CDCA2: variants seen among roughly 807,000 people sequenced by gnomAD.
CDCA2 encodes cell division cycle associated 2.
A neutral mutation model predicts 67.0 loss-of-function variants in CDCA2; 44 were observed. The observed-to-expected ratio is 0.66, with a 90% confidence interval of 0.52 to 0.84. The LOEUF (loss-of-function observed/expected upper bound fraction) is 0.84, where lower values mean the gene tolerates loss of function less well. Ranked by LOEUF, CDCA2 falls within the 40% of genes least tolerant of loss-of-function variation. The pLI, the probability that CDCA2 is intolerant of heterozygous loss-of-function variation, is 0.00. For missense variants in CDCA2, 1,253 were observed against 1,203.2 expected (o/e 1.04, Z -0.61); for synonymous variants, 447 against 418.7 (o/e 1.07, Z -0.82).
intron 13 of CDCA2, among the ~76,000 whole-genome samples, chr8:25,494,857 A>G (rs2117537384): frequency 6.6e-6 from 1 of 151,984 alleles, no homozygotes; most frequent in African/African-American, 2.4e-5. Context: ...TCGGACCCAC[A>G]TAAGGACACC....
chr8:25,487,126 C>CT (rs1266920684), intron 11 of CDCA2, 120 bp from the exon 12 acceptor site: 85 of 628,258 alleles, frequency 1.4e-4, no homozygotes, highest in Middle Eastern at 4.4e-4. Flanking sequence ...CTTGGCTCCT[C>CT]TTTTTTTTGT....
chr8:25,503,127 C>A (rs991242283), intron 13 of CDCA2, among the ~76,000 whole-genome samples: 6 of 151,786 alleles, frequency 4.0e-5, no homozygotes, highest in Admixed American at 6.6e-5. Flanking sequence ...ACCAAAAATA[C>A]AAAATAAAAA....
intron 7 of CDCA2, among the ~76,000 whole-genome samples, chr8:25,471,492 G>A (rs969284729): frequency 3.9e-5 from 6 of 152,052 alleles, no homozygotes; most frequent in Admixed American, 3.9e-4. Context: ...CTCCCAAGTA[G>A]CTAGAATTAC....
chr8:25,505,476 C>A (rs913068854), intron 14 of CDCA2, among the ~76,000 whole-genome samples: 3 of 152,206 alleles, frequency 2.0e-5, no homozygotes, highest in Admixed American at 6.5e-5. Flanking sequence ...GCTGGGATTA[C>A]AGGCGTGAGC....
At chr8:25,497,462 CAAG>C (rs1563281681) in intron 13 of CDCA2, among the ~76,000 whole-genome samples, 1 of 129,200 alleles carries the variant, frequency 7.7e-6, no homozygotes, top group Non-Finnish European at 1.6e-5. Context: ...CACAGAGAGA[CAAG>C]AAGATCTTAC....
At chr8:25,460,635 C>A in intron 3 of CDCA2, 81 bp downstream of exon 3, 1 of 1,415,710 alleles carries the variant, frequency 7.1e-7, no homozygotes, top group Non-Finnish European at 9.6e-7. Context: ...TTTGTTTATA[C>A]GTACTGTCAT....
intron 4 of CDCA2, 119 bp from the exon 5 acceptor site, chr8:25,466,056 G>T (rs765328967): frequency 1.2e-6 from 1 of 837,094 alleles, no homozygotes; most frequent in Non-Finnish European, 1.8e-6. Context: ...ACTCCTTACC[G>T]CTGATCTTCA....
intron 14 of CDCA2, 130 bp from the exon 15 acceptor site, chr8:25,506,380 G>A (rs1804676853): frequency 1.3e-6 from 1 of 759,176 alleles, no homozygotes; most frequent in Non-Finnish European, 2.0e-6. Flanking sequence ...CAAGCACAGT[G>A]TAACATTTGT....
chr8:25,494,271 T>G (rs1026954607), intron 13 of CDCA2, among the ~76,000 whole-genome samples: 6 of 151,844 alleles, frequency 4.0e-5, no homozygotes, highest in Non-Finnish European at 4.4e-5. Flanking sequence ...ACCAGCCTGG[T>G]CAACATAGCA....
chr8:25,479,135 G>A (rs1031042311), intron 7 of CDCA2, among the ~76,000 whole-genome samples: 1 of 151,982 alleles, frequency 6.6e-6, no homozygotes, highest in African/African-American at 2.4e-5. Flanking sequence ...TGTTTAGTCC[G>A]TGTGGTTTTA....
At chr8:25,470,029 T>C in intron 7 of CDCA2, 49 bp downstream of exon 7, 1 of 1,290,946 alleles carries the variant, frequency 7.7e-7, no homozygotes, top group Non-Finnish European at 1.1e-6. Flanking sequence ...TTCATAGACA[T>C]TTATGATTAG....
intron 5 of CDCA2, among the ~76,000 whole-genome samples, chr8:25,466,582 C>T (rs2117483093): frequency 6.6e-6 from 1 of 152,172 alleles, no homozygotes; most frequent in South Asian, 2.1e-4. Context: ...TTTAAAATGC[C>T]AGAGATAATT....
Position 25,507,442 on chromosome 8 carries a change from A to G in CDCA2, c.2776A>G (p.Thr926Ala), listed in dbSNP as rs758733785. 1.2e-6 allele frequency: 2 copies of G among 1,614,004 alleles called. No homozygotes were observed. Among genetic ancestry groups the G allele is most frequent in the African/African-American group, 1.3e-5 (1 of 74,914 alleles). ...SQKAKRRTICTFDSSGFESMS... is the reference protein window; with the variant it reads ...SQKAKRRTICAFDSSGFESMS... ...AAAAGCCAAAAGAAGAACAATATGT[A>G]CATTTGACAGCAGTGGATTTGAAAG... is the stretch of plus-strand genomic sequence containing the variant. The change falls in exon 15 of 15, where the codon ACA (threonine) becomes GCA (alanine). Residue 926 changes from threonine to alanine, a missense_variant. Transcript: ENST00000330560.
chr8:25,462,233 C>T lies in CDCA2; in HGVS notation c.387+25C>T, dbSNP rs116562172. The T allele has an allele frequency of 1.1e-3, 1,730 of 1,608,850 alleles. 22 individuals carry two copies. In the African/African-American group the frequency reaches 0.02, roughly 19 times the overall value. ...GGTATGATTTTCTTCTAAGTTCTGT[C>T]GTGAATTCCGTTAATGAAGCTTTTG... is the stretch of plus-strand genomic sequence containing the variant. On this transcript the variant is annotated intron_variant, in intron 4 of 14. Coordinates refer to ENST00000330560, the MANE Select transcript of CDCA2 (RefSeq NM_152562.4).
chr8:25,469,050 G>T (rs553076696), intron 6 of CDCA2, among the ~76,000 whole-genome samples: 1 of 152,220 alleles, frequency 6.6e-6, no homozygotes, highest in South Asian at 2.1e-4. Context: ...TGACCTGCGC[G>T]CACGCGTGAA....
rs1260675688 is a variant in CDCA2, at chr8:25,483,417, TATG to T, written c.1061_1063del (p.Asp354del). 1.2e-6 allele frequency: 2 copies of T among 1,608,238 alleles called. No individual in the cohort carries two copies. Among genetic ancestry groups the T allele is most frequent in the Admixed American group, 1.7e-5 (1 of 59,034 alleles). ...TGTTTAGGAACACTGTAACAACCTC[TATG>T]ATGATGATGGGACTCATCCGAGCTT... On this transcript the variant is annotated inframe_deletion, in exon 9 of 15. Coordinates refer to ENST00000330560, the MANE Select transcript of CDCA2 (RefSeq NM_152562.4).
intron 3 of CDCA2, 122 bp downstream of exon 3, chr8:25,460,676 A>G: frequency 2.0e-6 from 2 of 1,008,866 alleles, no homozygotes; most frequent in Admixed American, 2.8e-5. Flanking sequence ...CTACTCTGCA[A>G]ACTTGCTTCT....
chr8:25,478,771 T>C (rs2117506775), intron 7 of CDCA2, among the ~76,000 whole-genome samples: 1 of 152,090 alleles, frequency 6.6e-6, no homozygotes. Context: ...AGGTGTCTGC[T>C]CAGGAACTCT....
intron 7 of CDCA2, among the ~76,000 whole-genome samples, chr8:25,479,529 A>T (rs567315198): frequency 6.6e-6 from 1 of 152,312 alleles, no homozygotes; most frequent in African/African-American, 2.4e-5. Flanking sequence ...CTCTAGCGGT[A>T]AAATTGCTTA....
Sources: allele counts gnomAD v4.1 joint callset (sites outside exome capture counted in the v4.1 genomes callset), GRCh38; gene constraint gnomAD v4.1.1; transcripts MANE v1.5; gene names NCBI Gene and HGNC (gene_info 2026-07-23, HGNC 2026-07-21).